Variants in C15orf61 observed in about 807,000 individuals in gnomAD.
C15orf61 encodes the protein chromosome 15 open reading frame 61.
C15orf61 carries 12 observed loss-of-function variants against 13.7 expected under a neutral mutation model. That is an observed-to-expected ratio of 0.88 (90% CI 0.56 to 1.42). C15orf61 has a LOEUF of 1.42. Ranked by LOEUF, C15orf61 falls within the 40% of genes most tolerant of loss-of-function variation. The pLI is 0.00. For synonymous variants in C15orf61, 92 were observed against 94.1 expected, an observed-to-expected ratio of 0.98 and a Z score of 0.13; for missense variants, 248 against 213.2, an observed-to-expected ratio of 1.16 and a Z score of -1.02.
chr15:67,522,457 A>T (rs1449174779), intron 1 of C15orf61, among the ~76,000 whole-genome samples: 3 of 152,246 alleles, frequency 2.0e-5, no homozygotes, highest in African/African-American at 7.2e-5. Flanking sequence ...ATACTATTAC[A>T]TAATCTGATC....
chr15:67,523,866 GA>G (rs995656760), intron 1 of C15orf61, among the ~76,000 whole-genome samples: 15 of 151,996 alleles, frequency 9.9e-5, no homozygotes, highest in East Asian at 5.8e-4. Flanking sequence ...ACAGCAAGGG[GA>G]AAAAAATACA....
rs1825828799 is a variant in C15orf61, at chr15:67,529,250, T to C, written c.*2705T>C. ...GCAAAATTCTTAGTTCCTGTGTAAGTTGTGAGCCACTATAAAGATGCAGTA... is the reference window on the plus strand; with the variant it reads ...GCAAAATTCTTAGTTCCTGTGTAAGCTGTGAGCCACTATAAAGATGCAGTA... On this transcript the variant is annotated 3_prime_UTR_variant, in exon 2 of 2. Coordinates refer to ENST00000342683, the MANE Select transcript of C15orf61 (RefSeq NM_001143936.2). This position sits in a 1 kb window ranked among gnomAD's most constrained non-coding sequence, Gnocchi z 4.4. The C allele has an allele frequency of 6.6e-6, 1 of 152,202 alleles. No individual in the cohort carries two copies. Among genetic ancestry groups the C allele is most frequent in the African/African-American group, 2.4e-5 (1 of 41,458 alleles). The allele number at this position is 152,202 out of a possible 1,614,324, so 9.4% of individuals were successfully genotyped here. A position where few individuals can be genotyped will look rare whatever the true frequency, so the allele number is the denominator to read the frequency against.
In C15orf61 at chr15:67,525,397, G is replaced by A. The variant is rs2084192949; in HGVS notation, c.347-1021G>A. ...TGCCAACAGTCTTATATGCATGTGA[G>A]TGCTTAATACATATCTCTGGATAGT... On this transcript the variant is annotated intron_variant, in intron 1 of 1. Coordinates refer to ENST00000342683, the MANE Select transcript of C15orf61 (RefSeq NM_001143936.2). This position sits in a 1 kb window ranked among gnomAD's most constrained non-coding sequence, Gnocchi z 4.9. Among the ~76,000 whole-genome samples, 1 of 152,154 alleles carries A rather than the reference G, an allele frequency of 6.6e-6. No homozygotes were observed. Among genetic ancestry groups the A allele is most frequent in the Non-Finnish European group, 1.5e-5 (1 of 68,022 alleles).
chr15:67,522,342 G>A (rs985455081), intron 1 of C15orf61: 6 of 659,664 alleles, frequency 9.1e-6, no homozygotes, highest in African/African-American at 7.3e-5. Context: ...AATCAATCTA[G>A]ATTTCAGTGA....
Position 67,529,385 on chromosome 15 carries a change from T to G in C15orf61, c.*2840T>G, listed in dbSNP as rs2084216131. 6.6e-6 allele frequency: 1 copy of G among 152,210 alleles called. No homozygotes were observed. The highest frequency in any genetic ancestry group is 1.5e-5 in the Non-Finnish European group (1 of 68,036). 9.4% of individuals were successfully genotyped at this position (152,210 alleles called of 1,614,324 possible). A position where few individuals can be genotyped will look rare whatever the true frequency, so the allele number is the denominator to read the frequency against. ...AACAGTTATAGTTTACCACACATTT[T>G]GGGGCATTAATATTTTTCTAACGTT... On this transcript the variant is annotated 3_prime_UTR_variant, in exon 2 of 2. Transcript: ENST00000342683. This position sits in a 1 kb window ranked among gnomAD's most constrained non-coding sequence, Gnocchi z 4.4.
chr15:67,526,676 G>C lies in C15orf61; in HGVS notation c.*131G>C. The C allele has an allele frequency of 1.1e-6, 1 of 906,476 alleles. No homozygotes were observed. Among genetic ancestry groups the C allele is most frequent in the Non-Finnish European group, 1.5e-6 (1 of 652,168 alleles). 56.2% of individuals were successfully genotyped at this position (906,476 alleles called of 1,614,324 possible). A position where few individuals can be genotyped will look rare whatever the true frequency, so the allele number is the denominator to read the frequency against. On this transcript the variant is annotated 3_prime_UTR_variant, in exon 2 of 2. Coordinates refer to ENST00000342683, the MANE Select transcript of C15orf61 (RefSeq NM_001143936.2). ...TCTACAGTATCTGCTTCTTTAAGAT[G>C]AATCATTGCCCTCAAGAGGTGAAGC...
rs983426266 is a variant in C15orf61 at position 67,525,125 on chromosome 15, A to G, written c.347-1293A>G. On this transcript the variant is annotated intron_variant, in intron 1 of 1. Coordinates refer to ENST00000342683, the MANE Select transcript of C15orf61 (RefSeq NM_001143936.2). The surrounding 1 kb of genome is among the most constrained non-coding windows in gnomAD (Gnocchi z 4.9). ...TGCTGGGATTACAGGCGTGAGCCACAGTGCCCAGCCGCGTTCTTTATTACT... is the reference window on the plus strand; with the variant it reads ...TGCTGGGATTACAGGCGTGAGCCACGGTGCCCAGCCGCGTTCTTTATTACT... 7.2e-5 allele frequency among the ~76,000 whole-genome samples: 11 copies of G among 152,200 alleles called. No homozygotes were observed. The highest frequency in any genetic ancestry group is 1.2e-4 in the Non-Finnish European group (8 of 68,032).
intron 1 of C15orf61, among the ~76,000 whole-genome samples, chr15:67,526,044 T>C (rs552920906): frequency 6.6e-6 from 1 of 152,230 alleles, no homozygotes; most frequent in South Asian, 2.1e-4. Flanking sequence ...AGTGTTAACT[T>C]AGTAATTTTA....
At position 67,526,758 on chromosome 15, in the gene C15orf61, C is replaced by A; in HGVS notation, c.*213C>A. 1 of 363,964 alleles carries A rather than the reference C, an allele frequency of 2.7e-6. No homozygotes were observed. Among genetic ancestry groups the A allele is most frequent in the Non-Finnish European group, 4.8e-6 (1 of 207,762 alleles). 22.5% of individuals were successfully genotyped at this position (363,964 alleles called of 1,614,324 possible). On this transcript the variant is annotated 3_prime_UTR_variant, in exon 2 of 2. Transcript: ENST00000342683. ...GTTTAGCTGATGTGAACTACAAACA[C>A]ATGAAGCTTCACACCATTTTTTCCC...
At position 67,526,486 on chromosome 15, in the gene C15orf61, AGTTATGGACCC is replaced by A; in HGVS notation, c.416_426del (p.Ser139AsnfsTer8). On this transcript the variant is annotated frameshift_variant, in exon 2 of 2. Transcript: ENST00000342683. LOFTEE classifies it high-confidence loss of function. ...CAGAGTCACAGAGACTGTGCATACCAGTTATGGACCCATAACAGTTTATTTTCTCAATAAAG... is the reference window on the plus strand; with the variant it reads ...CAGAGTCACAGAGACTGTGCATACCAATAACAGTTTATTTTCTCAATAAAG... 6.5e-7 allele frequency: 1 copy of A among 1,538,798 alleles called. No individual in the cohort carries two copies. The highest frequency in any genetic ancestry group is 8.8e-7 in the Non-Finnish European group (1 of 1,135,898).
In C15orf61 at chr15:67,528,049, T is replaced by G. The variant is rs531761810; in HGVS notation, c.*1504T>G. 2.2e-4 allele frequency: 34 copies of G among 152,328 alleles called. No homozygotes were observed. Among genetic ancestry groups the G allele is most frequent in the African/African-American group, 7.9e-4 (33 of 41,568 alleles). The allele number at this position is 152,328 out of a possible 1,614,324, so 9.4% of individuals were successfully genotyped here. A position where few individuals can be genotyped will look rare whatever the true frequency, so the allele number is the denominator to read the frequency against. On this transcript the variant is annotated 3_prime_UTR_variant, in exon 2 of 2. Coordinates refer to ENST00000342683, the MANE Select transcript of C15orf61 (RefSeq NM_001143936.2). ...ATGGGCAAAGTTAAATAACTATAGC[T>G]CATAAGTTTTAAGTCAAATACTGCT...
At position 67,526,713 on chromosome 15, in the gene C15orf61, C is replaced by G. The variant is rs1484287611; in HGVS notation, c.*168C>G. Reference sequence around the variant, plus strand: ...TCAAGAGGTGAAGCTTTTTATACATCGTTATATATTACATACTCTGTTTAG... The same window carrying G: ...TCAAGAGGTGAAGCTTTTTATACATGGTTATATATTACATACTCTGTTTAG... On this transcript the variant is annotated 3_prime_UTR_variant, in exon 2 of 2. Coordinates refer to ENST00000342683, the MANE Select transcript of C15orf61 (RefSeq NM_001143936.2). 1 of 571,192 alleles carries G rather than the reference C, an allele frequency of 1.8e-6. No individual in the cohort carries two copies. Among genetic ancestry groups the G allele is most frequent in the East Asian group, 3.3e-5 (1 of 30,718 alleles). 35.4% of individuals were successfully genotyped at this position (571,192 alleles called of 1,614,324 possible).
rs2084196596 is a variant in C15orf61 at position 67,525,977 on chromosome 15, G to A, written c.347-441G>A. On this transcript the variant is annotated intron_variant, in intron 1 of 1. Coordinates refer to ENST00000342683, the MANE Select transcript of C15orf61 (RefSeq NM_001143936.2). This position sits in a 1 kb window ranked among gnomAD's most constrained non-coding sequence, Gnocchi z 4.9. ...GGCAGCGAGCCGAGATCGCGCCACT[G>A]CACTCCAACCTGCCAACAGAGTGAG... is the stretch of plus-strand genomic sequence containing the variant. 6.6e-6 allele frequency among the ~76,000 whole-genome samples: 1 copy of A among 152,196 alleles called. No individual in the cohort carries two copies.
rs1489987136 is a variant in C15orf61, at chr15:67,527,859, T to C, written c.*1314T>C. On this transcript the variant is annotated 3_prime_UTR_variant, in exon 2 of 2. Transcript: ENST00000342683. ...AAAGCAATTCTAAGTAACACTTTAA[T>C]CAAAGAAGTACTTATGCCAATATAT... 1.3e-5 allele frequency: 2 copies of C among 152,138 alleles called. No individual in the cohort carries two copies. Among genetic ancestry groups the C allele is most frequent in the African/African-American group, 4.8e-5 (2 of 41,422 alleles). The allele number at this position is 152,138 out of a possible 1,614,324, so 9.4% of individuals were successfully genotyped here.
At position 67,525,507 on chromosome 15, in the gene C15orf61, G is replaced by A. The variant is rs1474056568; in HGVS notation, c.347-911G>A. 6.6e-6 allele frequency among the ~76,000 whole-genome samples: 1 copy of A among 152,142 alleles called. No homozygotes were observed. Among genetic ancestry groups the A allele is most frequent in the Admixed American group, 6.5e-5 (1 of 15,286 alleles). ...TTCCAAAGAAGAAACACATGTTGGA[G>A]TCTACTATATATCTATTTCAAATTG... On this transcript the variant is annotated intron_variant, in intron 1 of 1. Coordinates refer to ENST00000342683, the MANE Select transcript of C15orf61 (RefSeq NM_001143936.2). This position sits in a 1 kb window ranked among gnomAD's most constrained non-coding sequence, Gnocchi z 4.9.
rs536199941 is a variant in C15orf61 at position 67,525,553 on chromosome 15, A to C, written c.347-865A>C. Among the ~76,000 whole-genome samples the C allele has an allele frequency of 3.9e-5, 6 of 152,346 alleles. No homozygotes were observed. Among genetic ancestry groups the C allele is most frequent in the Non-Finnish European group, 7.3e-5 (5 of 68,028 alleles). Reference sequence around the variant, plus strand: ...AATTGGTTGAAATGAGGTTGTTTTCAGATCAATTGAAAAAATGCTAATAAT... The same window carrying C: ...AATTGGTTGAAATGAGGTTGTTTTCCGATCAATTGAAAAAATGCTAATAAT... On this transcript the variant is annotated intron_variant, in intron 1 of 1. Transcript: ENST00000342683. The surrounding 1 kb of genome is among the most constrained non-coding windows in gnomAD (Gnocchi z 4.9).
chr15:67,527,910 CTAGT>C lies in C15orf61; in HGVS notation c.*1368_*1371del, dbSNP rs1296706393. On this transcript the variant is annotated 3_prime_UTR_variant, in exon 2 of 2. Transcript: ENST00000342683. Reference sequence around the variant, plus strand: ...TTAGTCCAGAAGAATATACTTGACACTAGTTAAATGAATGGCTTACACAAAGGAG... The same window carrying C: ...TTAGTCCAGAAGAATATACTTGACACTAAATGAATGGCTTACACAAAGGAG... The C allele has an allele frequency of 5.9e-5, 9 of 152,162 alleles. No homozygotes were observed. The highest frequency in any genetic ancestry group is 2.0e-4 in the Admixed American group (3 of 15,284). 9.4% of individuals were successfully genotyped at this position (152,162 alleles called of 1,614,324 possible).
chr15:67,523,792 A>G (rs7168229), intron 1 of C15orf61, among the ~76,000 whole-genome samples: 353 of 152,324 alleles, frequency 2.3e-3, no homozygotes, highest in African/African-American at 8.2e-3. Context: ...TTTGTAATAT[A>G]TAAGTTATAT....
At chr15:67,524,627 T>C (rs909558205) in intron 1 of C15orf61, among the ~76,000 whole-genome samples, 2 of 152,280 alleles carry the variant, frequency 1.3e-5, no homozygotes, top group South Asian at 2.1e-4. Flanking sequence ...GGCATTTTTT[T>C]CCCCTTCTCA....
Sources: gnomAD v4.1 joint callset for allele counts (sites outside exome capture counted in the v4.1 genomes callset) on GRCh38, gnomAD v4.1.1 for gene constraint, Gnocchi (gnomAD v3.1) non-coding constraint, MANE v1.5 for transcripts, NCBI Gene and HGNC (gene_info 2026-07-23, HGNC 2026-07-21) for gene names.